DDC: variants seen among roughly 807,000 people sequenced by gnomAD.
The protein encoded by DDC is aromatic-L-amino-acid decarboxylase.
DDC carries 43 observed loss-of-function variants against 60.0 expected under a neutral mutation model. That is an observed-to-expected ratio of 0.72 (90% CI 0.56 to 0.92). DDC has a LOEUF of 0.92. Among genes scored for constraint, DDC ranks in the 40% least tolerant of loss-of-function variants. The pLI is 0.00. For synonymous variants in DDC, 232 were observed against 234.6 expected (o/e 0.99, Z 0.10); for missense variants, 573 against 620.2 (o/e 0.92, Z 0.81).
intron 5 of DDC, 129 bp downstream of exon 5, chr7:50,529,079 C>G: frequency 8.2e-7 from 1 of 1,226,344 alleles, no homozygotes; most frequent in Non-Finnish European, 1.2e-6. Context: ...TAGTTCAGGT[C>G]TCTATTTAGT....
At position 50,481,962 on chromosome 7, in the gene DDC, T is replaced by C. The variant is rs983934537; in HGVS notation, c.945-2099A>G. ...CTCCTGGGATTTTAGTGCATGCACA[T>C]ATCCCAATCCATTCATTCTATCATT... On this transcript the variant is annotated intron_variant, in intron 9 of 14. Coordinates refer to ENST00000444124, the MANE Select transcript of DDC (RefSeq NM_001082971.2). 2.0e-5 allele frequency among the ~76,000 whole-genome samples: 3 copies of C among 152,258 alleles called. No homozygotes were observed. In the East Asian group the frequency reaches 5.8e-4, roughly 29 times the overall value.
intron 6 of DDC, among the ~76,000 whole-genome samples, chr7:50,513,876 C>G (rs941931232): frequency 2.0e-5 from 3 of 151,970 alleles, no homozygotes; most frequent in African/African-American, 7.3e-5. Context: ...GCCTGGTGGT[C>G]GGTCCCTACC....
intron 14 of DDC, among the ~76,000 whole-genome samples, chr7:50,462,226 C>CAAAAAAAAAAAAA (rs11410259): frequency 1.8e-3 from 135 of 75,312 alleles, no homozygotes; most frequent in East Asian, 2.7e-3. Context: ...GACAAAAAGA[C>CAAAAAAAAAAAAA]AAAAAAAAAA....
Position 50,520,614 on chromosome 7 carries a change from G to A in DDC, c.714+7523C>T, listed in dbSNP as rs572369225. ...CCACCTTAATAACCTAGAAAAAAAG[G>A]CAATTTAAATGCAATGTGGCCAGGT... On this transcript the variant is annotated intron_variant, in intron 6 of 14. Coordinates refer to ENST00000444124, the MANE Select transcript of DDC (RefSeq NM_001082971.2). 4.6e-5 allele frequency among the ~76,000 whole-genome samples: 7 copies of A among 152,212 alleles called. No individual in the cohort carries two copies. The South Asian group carries it at 6.2e-4, about 14-fold the overall frequency.
intron 11 of DDC, among the ~76,000 whole-genome samples, chr7:50,471,312 G>A (rs897967700): frequency 2.0e-5 from 3 of 152,158 alleles, no homozygotes; most frequent in Non-Finnish European, 4.4e-5. Context: ...CCCAGGAGGC[G>A]GAGGTTGCAG....
chr7:50,499,947 C>T (rs1351863240), intron 7 of DDC, among the ~76,000 whole-genome samples: 9 of 152,188 alleles, frequency 5.9e-5, no homozygotes, highest in Non-Finnish European at 8.8e-5. Flanking sequence ...ACTCTCCTCC[C>T]AGGAAGATGG....
rs1309922781 is a variant in DDC at position 50,540,102 on chromosome 7, C to A, written c.202-74G>T. On this transcript the variant is annotated intron_variant, in intron 2 of 14. Coordinates refer to ENST00000444124, the MANE Select transcript of DDC (RefSeq NM_001082971.2). ...TCAAGAGAGCGGGGGACCCAGGTAC[C>A]CCCATGGCTCCCAGCTGCCAGATGC... 2.6e-6 allele frequency: 3 copies of A among 1,146,046 alleles called. No individual in the cohort carries two copies. The East Asian group carries it at 7.6e-5, about 29-fold the overall frequency. 71.0% of individuals were successfully genotyped at this position (1,146,046 alleles called of 1,614,324 possible). A position where few individuals can be genotyped will look rare whatever the true frequency, so the allele number is the denominator to read the frequency against.
rs561095679 is a variant in DDC at position 50,541,947 on chromosome 7, G to A, written c.202-1919C>T. 1.1e-4 allele frequency among the ~76,000 whole-genome samples: 16 copies of A among 152,240 alleles called. No individual in the cohort carries two copies. The South Asian group carries it at 1.3e-3, about 12-fold the overall frequency. On this transcript the variant is annotated intron_variant, in intron 2 of 14. Coordinates refer to ENST00000444124, the MANE Select transcript of DDC (RefSeq NM_001082971.2). ...TATTTAACAACCACGGCCACCCCAA[G>A]TCTGCCAGGGCTTGGGGAGTGGTGG...
intron 6 of DDC, chr7:50,527,877 T>G: frequency 2.7e-6 from 1 of 373,794 alleles, no homozygotes. Context: ...AAAAAAAAAA[T>G]GGAGGTAAAA....
chr7:50,555,114 C>G (rs2045136862), intron 1 of DDC, among the ~76,000 whole-genome samples: 1 of 152,164 alleles, frequency 6.6e-6, no homozygotes, highest in Admixed American at 6.5e-5. Flanking sequence ...AAAGCTGCCA[C>G]CAGGTCAGGC....
At chr7:50,540,201 A>C (rs1331696419) in intron 2 of DDC, 173 bp from the exon 3 acceptor site, 5 of 659,126 alleles carry the variant, frequency 7.6e-6, no homozygotes, top group Middle Eastern at 3.9e-4. Context: ...ATTATTTCGG[A>C]GCATTTACAC....
intron 1 of DDC, chr7:50,564,325 A>G (rs1378861809): frequency 6.6e-6 from 1 of 152,170 alleles, no homozygotes; most frequent in Non-Finnish European, 1.5e-5. Flanking sequence ...GGACCTACAC[A>G]CTGGATTGCT....
At position 50,535,967 on chromosome 7, in the gene DDC, A is replaced by T. The variant is rs73338882; in HGVS notation, c.435+1893T>A. 9.8e-3 allele frequency among the ~76,000 whole-genome samples: 1,498 copies of T among 152,306 alleles called. 23 individuals carry two copies. Among genetic ancestry groups the T allele is most frequent in the African/African-American group, 0.034 (1,430 of 41,552 alleles). On this transcript the variant is annotated intron_variant, in intron 4 of 14. Transcript: ENST00000444124. ...GATGCGACCAGGAAAGTGTGAAAGGAAAATAAATCTTGGGACCCCCAAATC... is the reference window on the plus strand; with the variant it reads ...GATGCGACCAGGAAAGTGTGAAAGGTAAATAAATCTTGGGACCCCCAAATC...
chr7:50,550,811 TG>T (rs1007314374), intron 1 of DDC, among the ~76,000 whole-genome samples: 1 of 152,214 alleles, frequency 6.6e-6, no homozygotes, highest in African/African-American at 2.4e-5. Context: ...TTGAATAGAA[TG>T]GGAGACAGAT....
chr7:50,503,282 C>T (rs2043303138), intron 7 of DDC, among the ~76,000 whole-genome samples: 1 of 152,256 alleles, frequency 6.6e-6, no homozygotes, highest in South Asian at 2.1e-4. Context: ...GCCAGTGTCC[C>T]TGCCCTACGA....
chr7:50,486,320 C>T (rs1196457253), intron 9 of DDC, among the ~76,000 whole-genome samples: 1 of 152,166 alleles, frequency 6.6e-6, no homozygotes, highest in Non-Finnish European at 1.5e-5. Flanking sequence ...GCACAGGCCA[C>T]TGTGTCAGCA....
At chr7:50,539,783 C>G in intron 3 of DDC, 132 bp downstream of exon 3, 1 of 709,012 alleles carries the variant, frequency 1.4e-6, no homozygotes, top group Non-Finnish European at 2.5e-6. Context: ...TTTCTCCTCC[C>G]TGCAACAGTA....
chr7:50,468,839 G>C (rs1180907480), intron 12 of DDC, among the ~76,000 whole-genome samples: 4 of 151,932 alleles, frequency 2.6e-5, no homozygotes, highest in Non-Finnish European at 5.9e-5. Flanking sequence ...CAGGATCAGA[G>C]AGAGCCAGCA....
chr7:50,478,039 CAAA>C (rs58996327), intron 10 of DDC, among the ~76,000 whole-genome samples: 123 of 145,144 alleles, frequency 8.5e-4, no homozygotes, highest in Non-Finnish European at 7.7e-4. Context: ...CCGTCTCTAC[CAAA>C]AAAAAAAAAA....
Sources: gnomAD v4.1 joint callset for allele counts (sites outside exome capture counted in the v4.1 genomes callset) on GRCh38, gnomAD v4.1.1 for gene constraint, MANE v1.5 for transcripts, NCBI Gene and HGNC (gene_info 2026-07-23, HGNC 2026-07-21) for gene names.